The following BIN2 variants were observed in gnomAD, a reference collection of about 807,000 sequenced individuals.
BIN2 encodes bridging integrator 2.
Under a neutral mutation model 67.9 loss-of-function variants are expected in BIN2, and 43 were observed. The ratio of observed to expected loss-of-function variants is 0.63; its 90% CI spans 0.50 to 0.82. BIN2 has a LOEUF of 0.82. BIN2 is among the 40% of genes least tolerant of loss of function. The pLI, the probability that BIN2 is intolerant of heterozygous loss-of-function variation, is 0.00. For synonymous variants in BIN2, 244 were observed against 246.8 expected, an observed-to-expected ratio of 0.99 and a Z score of 0.11; for missense variants, 581 against 671.6, an observed-to-expected ratio of 0.87 and a Z score of 1.49.
chr12:51,284,735 G>T lies in BIN2; in HGVS notation c.1649C>A (p.Ala550Glu), dbSNP rs1234435628. The T allele has an allele frequency of 9.3e-6, 15 of 1,612,418 alleles. No homozygotes were observed. Among genetic ancestry groups the T allele is most frequent in the Non-Finnish European group, 1.2e-5 (14 of 1,178,572 alleles). ...SMVPENNNLT[A>E]PEPQEEVSTS... ...TCTTACCTCTTCTTGAGGTTCAGGT[G>T]CTGTGAGGTTGTTGTTTTCTGGTAC... Residue 550 changes from alanine to glutamate, a missense_variant, in exon 12 of 13, where the codon GCA (alanine) becomes GAA (glutamate). Physicochemically the swap from Ala to Glu is moderately radical, Grantham distance 107. Transcript: ENST00000615107.
chr12:51,287,666 T>A (rs1945271436), intron 11 of BIN2, among the ~76,000 whole-genome samples: 1 of 151,214 alleles, frequency 6.6e-6, no homozygotes, highest in South Asian at 2.1e-4. Context: ...TTTTTTTTCT[T>A]TTTGAGACGG....
chr12:51,295,778 G>A lies in BIN2; in HGVS notation c.761+18C>T. ...CACACAGGACAAGCGAAGCAAAAAA[G>A]TCTTGGATGCTGCTCACCTTGACAG... On this transcript the variant is annotated intron_variant, in intron 9 of 12. Coordinates refer to ENST00000615107, the MANE Select transcript of BIN2 (RefSeq NM_016293.4). 1 of 1,610,136 alleles carries A rather than the reference G, an allele frequency of 6.2e-7. No homozygotes were observed. Among genetic ancestry groups the A allele is most frequent in the East Asian group, 2.2e-5 (1 of 44,834 alleles).
upstream of BIN2, chr12:51,324,496 T>G: frequency 6.5e-7 from 1 of 1,530,256 alleles, no homozygotes; most frequent in African/African-American, 1.4e-5. Context: ...TGGGTTCCAC[T>G]CAGCGAGAGG....
At position 51,299,700 on chromosome 12, in the gene BIN2, C is replaced by G. The variant is rs1190720080; in HGVS notation, c.423G>C (p.Lys141Asn). ...QFSEIKERIA[K>N]RGRKLVDYDS... ...CATAGTCCACGAGTTTCCGACCCCG[C>G]TTGGCAATTCTCTCCTGACCCAGGG... Residue 141 changes from lysine (K) to asparagine (N), a missense_variant, in exon 6 of 13, where the codon AAG (lysine) becomes AAC (asparagine). Lys to Asn is a moderately conservative substitution (Grantham distance 94). Coordinates refer to ENST00000615107, the MANE Select transcript of BIN2 (RefSeq NM_016293.4). 2 of 1,614,070 alleles carry G rather than the reference C, an allele frequency of 1.2e-6. No individual in the cohort carries two copies. Among genetic ancestry groups the G allele is most frequent in the South Asian group, 2.2e-5 (2 of 91,084 alleles).
intron 9 of BIN2, among the ~76,000 whole-genome samples, chr12:51,295,577 A>ATATAT (rs1188350704): frequency 3.4e-5 from 1 of 29,544 alleles, no homozygotes; most frequent in South Asian, 1.2e-3. Flanking sequence ...AAAAAAAAAA[A>ATATAT]ATATATATAT....
At chr12:51,289,343 G>C (rs986567292) in intron 10 of BIN2, among the ~76,000 whole-genome samples, 1 of 151,926 alleles carries the variant, frequency 6.6e-6, no homozygotes, top group Non-Finnish European at 1.5e-5. Context: ...GGCCGGGCAC[G>C]GTGGCTCACA....
At chr12:51,302,634 G>A in intron 4 of BIN2, 52 bp downstream of exon 4, 1 of 1,435,718 alleles carries the variant, frequency 7.0e-7, no homozygotes, top group Non-Finnish European at 9.8e-7. Flanking sequence ...CTGAGGTTGA[G>A]ATGCAAACAG....
upstream of BIN2, chr12:51,324,667 A>G: frequency 2.4e-6 from 2 of 831,138 alleles, no homozygotes; most frequent in South Asian, 2.2e-5. Flanking sequence ...AGAGAGAAAC[A>G]GGCCGGGCGC....
At chr12:51,317,831 A>T (rs1946172909) in intron 1 of BIN2, among the ~76,000 whole-genome samples, 1 of 151,940 alleles carries the variant, frequency 6.6e-6, no homozygotes. Context: ...TACTAAAAAC[A>T]CAAAAAATTA....
Position 51,291,713 on chromosome 12 carries a change from C to T in BIN2, c.1393G>A (p.Val465Ile), listed in dbSNP as rs897200494. The T allele has an allele frequency of 6.2e-7, 1 of 1,613,610 alleles. No homozygotes were observed. The highest frequency in any genetic ancestry group is 8.5e-7 in the Non-Finnish European group (1 of 1,179,792). Residue 465 changes from valine to isoleucine, a missense_variant, in exon 10 of 13, where the codon GTC becomes ATC. By Grantham distance (29) the Val-to-Ile change is conservative. Transcript: ENST00000615107. Reference sequence around the variant, plus strand: ...TCTGGTGGTTCTGGATTAGGAGAGACCTCTAGGGAGGTCCTAGGACTTGCA... The same window carrying T: ...TCTGGTGGTTCTGGATTAGGAGAGATCTCTAGGGAGGTCCTAGGACTTGCA... ...GTASPRTSLE[V>I]SPNPEPPEKP...
intron 2 of BIN2, among the ~76,000 whole-genome samples, chr12:51,310,895 A>G (rs560601893): frequency 3.9e-4 from 59 of 151,608 alleles, no homozygotes; most frequent in African/African-American, 1.4e-3. Context: ...AGTAGCTGAG[A>G]ATACAGGAGC....
intron 2 of BIN2, among the ~76,000 whole-genome samples, chr12:51,304,627 C>A (rs1002366996): frequency 2.6e-5 from 4 of 152,208 alleles, no homozygotes; most frequent in Non-Finnish European, 5.9e-5. Flanking sequence ...GAAAGCCAAG[C>A]TGCATTATTC....
chr12:51,324,362 C>T, upstream of BIN2: 6 of 1,303,786 alleles, frequency 4.6e-6, no homozygotes, highest in Non-Finnish European at 6.1e-6. Context: ...CAACCCCTGC[C>T]CGAAACCTCG....
chr12:51,304,374 T>C (rs755069012), intron 2 of BIN2: 2 of 152,326 alleles, frequency 1.3e-5, no homozygotes, highest in Non-Finnish European at 2.9e-5. Flanking sequence ...CAAGCCTTTC[T>C]CACAGGTTTC....
At position 51,295,580 on chromosome 12, in the gene BIN2, ATATATATATATAT is replaced by A. The variant is rs1945537415; in HGVS notation, c.761+203_761+215del. ...TCCGTCTCAAAAAAAAAAAAAAAAT[ATATATATATATAT>A]ATATATATATATATATATATATATA... On this transcript the variant is annotated intron_variant, in intron 9 of 12. Coordinates refer to ENST00000615107, the MANE Select transcript of BIN2 (RefSeq NM_016293.4). Among the ~76,000 whole-genome samples, 94 of 39,456 alleles carry A rather than the reference ATATATATATATAT, an allele frequency of 2.4e-3. 7 individuals are homozygous for A. The highest frequency in any genetic ancestry group is 4.9e-3 in the East Asian group (4 of 812). The allele number at this position is 39,456 out of a possible 152,430, so 25.9% of individuals were successfully genotyped here. A position where few individuals can be genotyped will look rare whatever the true frequency, so the allele number is the denominator to read the frequency against.
chr12:51,288,149 T>C lies in BIN2; in HGVS notation c.1555A>G (p.Lys519Glu). Residue 519 changes from lysine to glutamate, a missense_variant, in exon 11 of 13, where the codon AAG becomes GAG. Lys to Glu is a moderately conservative substitution (Grantham distance 56). Coordinates refer to ENST00000615107, the MANE Select transcript of BIN2 (RefSeq NM_016293.4). ...EPGEAKKMEDKEKDNKLISAN... is the reference protein window; with the variant it reads ...EPGEAKKMEDEEKDNKLISAN... ...GAGATAAGCTTATTATCCTTTTCCT[T>C]GTCTTCCATCTTCTTTGCCTCTCCA... 1 of 1,614,012 alleles carries C rather than the reference T, an allele frequency of 6.2e-7. No individual in the cohort carries two copies. The highest frequency in any genetic ancestry group is 8.5e-7 in the Non-Finnish European group (1 of 1,179,860).
At chr12:51,313,976 T>C (rs1946061379) in intron 1 of BIN2, 73 bp from the exon 2 acceptor site, 1 of 1,104,890 alleles carries the variant, frequency 9.1e-7, no homozygotes, top group Non-Finnish European at 1.4e-6. Flanking sequence ...CATATGACCC[T>C]GGCTTCAGTC....
intron 9 of BIN2, among the ~76,000 whole-genome samples, chr12:51,295,392 CAA>C (rs1178848004): frequency 0.012 from 1,092 of 91,722 alleles, 9 homozygotes; most frequent in Non-Finnish European, 0.014. Context: ...ACTAAAAATA[CAA>C]AAAAAAAAAA....
At chr12:51,314,023 T>A (rs906685262) in intron 1 of BIN2, 120 bp from the exon 2 acceptor site, 2 of 119,966 alleles carry the variant, frequency 1.7e-5, no homozygotes, top group African/African-American at 7.6e-5. Flanking sequence ...TGTACTTATT[T>A]ATTTATTTAT....
Sources: gnomAD v4.1 joint callset for allele counts (sites outside exome capture counted in the v4.1 genomes callset) on GRCh38, gnomAD v4.1.1 for gene constraint, MANE v1.5 for transcripts, NCBI Gene and HGNC (gene_info 2026-07-23, HGNC 2026-07-21) for gene names.